Variants in USP32 observed in about 807,000 individuals in gnomAD.
The protein encoded by USP32 is ubiquitin specific peptidase 32.
In USP32, 59 loss-of-function variants were observed where a neutral mutation model predicts 204.8. That is an observed-to-expected ratio of 0.29 (90% CI 0.23 to 0.36). The LOEUF (loss-of-function observed/expected upper bound fraction) is 0.36. USP32 is among the 10% of genes least tolerant of loss of function. USP32 has a pLI of 1.00. For synonymous variants in USP32, 517 were observed against 678.4 expected (o/e 0.76, Z 3.70); for missense variants, 1,160 against 1,946.4 (o/e 0.60, Z 7.60).
At chr17:60,265,372 TA>T (rs1413207878) in intron 9 of USP32, 39 bp downstream of exon 9, 1 of 1,395,534 alleles carries the variant, frequency 7.2e-7, no homozygotes, top group East Asian at 2.3e-5. Context: ...GAGTACATGA[TA>T]TTTTTAGAAA....
intron 27 of USP32, among the ~76,000 whole-genome samples, chr17:60,197,204 C>G: frequency 6.6e-6 from 1 of 151,950 alleles, no homozygotes; most frequent in South Asian, 2.1e-4. Context: ...TGTATTTATC[C>G]TAAGCCCTAC....
intron 1 of USP32, among the ~76,000 whole-genome samples, chr17:60,366,148 T>C (rs1346155319): frequency 6.7e-6 from 1 of 149,264 alleles, no homozygotes; most frequent in East Asian, 2.0e-4. Flanking sequence ...GGGCTAAGTT[T>C]TTTTTCTTTT....
chr17:60,229,892 C>A (rs1264189054), intron 12 of USP32, among the ~76,000 whole-genome samples: 1 of 152,134 alleles, frequency 6.6e-6, no homozygotes, highest in African/African-American at 2.4e-5. Flanking sequence ...TGGGTCACTG[C>A]AACCTCTGCC....
chr17:60,286,136 CAAAAAA>C (rs1170911336), intron 5 of USP32, among the ~76,000 whole-genome samples: 1 of 84,214 alleles, frequency 1.2e-5, no homozygotes, highest in African/African-American at 3.5e-5. Context: ...ACAGTGTGTC[CAAAAAA>C]AAAAAAAAAA....
intron 28 of USP32, among the ~76,000 whole-genome samples, chr17:60,192,362 A>C (rs1370500259): frequency 6.6e-6 from 1 of 152,210 alleles, no homozygotes; most frequent in Non-Finnish European, 1.5e-5. Flanking sequence ...ACAAGCTATG[A>C]ATTTGGTATG....
intron 1 of USP32, among the ~76,000 whole-genome samples, chr17:60,390,446 A>G (rs1461816771): frequency 6.6e-6 from 1 of 152,236 alleles, no homozygotes; most frequent in Non-Finnish European, 1.5e-5. Flanking sequence ...CTGGAAACAC[A>G]TCAAGAATTT....
intron 1 of USP32, among the ~76,000 whole-genome samples, chr17:60,352,687 AG>A (rs894272396): frequency 6.6e-6 from 1 of 152,208 alleles, no homozygotes; most frequent in African/African-American, 2.4e-5. Context: ...GTCAGAATGG[AG>A]GTATAAAGAC....
At chr17:60,361,286 T>C (rs1037266202) in intron 1 of USP32, among the ~76,000 whole-genome samples, 1 of 152,184 alleles carries the variant, frequency 6.6e-6, no homozygotes, top group Non-Finnish European at 1.5e-5. Flanking sequence ...TCCTTTCAGA[T>C]CTTTTTCCAT....
intron 9 of USP32, among the ~76,000 whole-genome samples, chr17:60,258,841 G>A (rs1476523344): frequency 6.6e-5 from 10 of 152,104 alleles, no homozygotes; most frequent in Admixed American, 5.9e-4. Context: ...TCCATCTCAT[G>A]CAGCATATAC....
intron 12 of USP32, among the ~76,000 whole-genome samples, chr17:60,226,543 TCTTC>T (rs1369703184): frequency 2.6e-5 from 4 of 152,198 alleles, no homozygotes; most frequent in Admixed American, 2.0e-4. Context: ...TTTTTTCTTT[TCTTC>T]CTTATTTCCC....
At chr17:60,417,599 G>A (rs111427866) in intron 1 of USP32, among the ~76,000 whole-genome samples, 3,493 of 149,426 alleles carry the variant, frequency 0.023, 162 homozygotes, top group African/African-American at 0.081. Flanking sequence ...GATTACAGGT[G>A]CCTGCCACCA....
chr17:60,212,390 G>A (rs2084994545), intron 18 of USP32, among the ~76,000 whole-genome samples: 1 of 152,150 alleles, frequency 6.6e-6, no homozygotes, highest in Non-Finnish European at 1.5e-5. Flanking sequence ...ATTGAATACT[G>A]TAGGCAAGTG....
chr17:60,398,706 T>G (rs907109362), intron 1 of USP32, among the ~76,000 whole-genome samples: 12 of 152,082 alleles, frequency 7.9e-5, no homozygotes, highest in South Asian at 4.2e-4. Context: ...GGCTCAGAAA[T>G]TAAACTCCTG....
At chr17:60,401,484 G>A (rs2089934920) in intron 1 of USP32, among the ~76,000 whole-genome samples, 1 of 152,094 alleles carries the variant, frequency 6.6e-6, no homozygotes, top group South Asian at 2.1e-4. Flanking sequence ...GTAATTTGGG[G>A]GCTATCAATG....
At chr17:60,233,529 T>A (rs1175338167) in intron 12 of USP32, among the ~76,000 whole-genome samples, 1 of 152,196 alleles carries the variant, frequency 6.6e-6, no homozygotes, top group Non-Finnish European at 1.5e-5. Context: ...CGTAACACTA[T>A]GAGGGCGATT....
At chr17:60,385,425 A>G (rs978084158) in intron 1 of USP32, among the ~76,000 whole-genome samples, 7 of 152,216 alleles carry the variant, frequency 4.6e-5, no homozygotes, top group African/African-American at 1.7e-4. Flanking sequence ...ACACGCCTGT[A>G]GTCCCAGCTA....
At chr17:60,349,945 G>C (rs1243852639) in intron 1 of USP32, among the ~76,000 whole-genome samples, 5 of 150,586 alleles carry the variant, frequency 3.3e-5, no homozygotes, top group Non-Finnish European at 4.4e-5. Flanking sequence ...AAAAATTTAA[G>C]CAAGACAGAA....
At chr17:60,265,906 A>G (rs899454216) in intron 8 of USP32, 70 bp downstream of exon 8, 1 of 1,222,300 alleles carries the variant, frequency 8.2e-7, no homozygotes, top group African/African-American at 1.5e-5. Flanking sequence ...TATGCTTTTA[A>G]AGAAAATGAT....
Position 60,334,899 on chromosome 17 carries a change from T to A in USP32, c.186+10582A>T, listed in dbSNP as rs374826839. Among the ~76,000 whole-genome samples, 6 of 142,832 alleles carry A rather than the reference T, an allele frequency of 4.2e-5. No individual in the cohort carries two copies. In the South Asian group the frequency reaches 6.4e-4, roughly 15 times the overall value. The allele number at this position is 142,832 out of a possible 152,430, so 93.7% of individuals were successfully genotyped here. The stretch of plus-strand genomic sequence containing the variant: ...TGGTCTCAAACTCCTGACCTCGTGA[T>A]CCACCTGCCTCGGCCTCCCAAAGTG... On this transcript the variant is annotated intron_variant, in intron 2 of 33. Transcript: ENST00000300896.
Sources: gnomAD v4.1 joint callset for allele counts (sites outside exome capture counted in the v4.1 genomes callset) on GRCh38, gnomAD v4.1.1 for gene constraint, MANE v1.5 for transcripts, NCBI Gene and HGNC (gene_info 2026-07-23, HGNC 2026-07-21) for gene names.